The following SIAE variants were observed in gnomAD, a reference collection of about 807,000 sequenced individuals.
SIAE encodes the protein sialic acid acetylesterase, also known as sialate O-acetylesterase.
Under a neutral mutation model 52.6 loss-of-function variants are expected in SIAE, and 39 were observed. That is an observed-to-expected ratio of 0.74 (90% CI 0.57 to 0.97). The LOEUF (loss-of-function observed/expected upper bound fraction) is 0.97, where lower values mean the gene tolerates loss of function less well. SIAE is among the 50% of genes least tolerant of loss of function. The probability of loss-of-function intolerance (pLI) is 0.00; values close to 1 mark genes in which losing one functional copy is unlikely to be tolerated. For synonymous variants in SIAE, 233 were observed against 241.4 expected (o/e 0.97, Z 0.32); for missense variants, 592 against 662.1 (o/e 0.89, Z 1.16).
rs1245430192 is a variant in SIAE, at chr11:124,636,548, A to AAAT, written c.*400_*402dup. 1 of 278,294 alleles carries AAAT rather than the reference A, an allele frequency of 3.6e-6. No individual in the cohort carries two copies. The highest frequency in any genetic ancestry group is 7.0e-6 in the Non-Finnish European group (1 of 143,726). The allele number at this position is 278,294 out of a possible 1,614,324, so 17.2% of individuals were successfully genotyped here. On this transcript the variant is annotated 3_prime_UTR_variant, in exon 10 of 10. Transcript: ENST00000263593. ...GGCCTGGTTAGTACTTGGATGGGAG[A>AAAT]AATTTTATAAAGAACACATGAACAC...
chr11:124,639,215 C>CTA (rs1402650407), intron 8 of SIAE, among the ~76,000 whole-genome samples: 5 of 152,198 alleles, frequency 3.3e-5, no homozygotes, highest in African/African-American at 1.2e-4. Flanking sequence ...CCCTCACATC[C>CTA]TACAGTTAGT....
At chr11:124,667,716 G>T (rs1943292129) in intron 2 of SIAE, among the ~76,000 whole-genome samples, 1 of 152,088 alleles carries the variant, frequency 6.6e-6, no homozygotes, top group African/African-American at 2.4e-5. Flanking sequence ...ACATCACACA[G>T]CTATAGCGCT....
intron 3 of SIAE, among the ~76,000 whole-genome samples, chr11:124,657,093 G>C (rs1163922215): frequency 6.6e-6 from 1 of 152,192 alleles, no homozygotes. Flanking sequence ...ATCACAGTGG[G>C]AGCCACAACC....
At chr11:124,647,631 C>T in intron 6 of SIAE, 133 bp from the exon 7 acceptor site, 1 of 1,096,608 alleles carries the variant, frequency 9.1e-7, no homozygotes, top group South Asian at 1.3e-5. Context: ...TTTTTCCAGC[C>T]AGTGGGGCAT....
chr11:124,673,775 C>T (rs926208320), upstream of SIAE: 139 of 1,565,470 alleles, frequency 8.9e-5, no homozygotes, highest in East Asian at 3.1e-3. Context: ...GGGGCCTGGG[C>T]GGGGGCGAGG....
At position 124,649,650 on chromosome 11, in the gene SIAE, A is replaced by G; in HGVS notation, c.691T>C (p.Ser231Pro). 12 of 1,614,164 alleles carry G rather than the reference A, an allele frequency of 7.4e-6. No individual in the cohort carries two copies. Among genetic ancestry groups the G allele is most frequent in the Non-Finnish European group, 1.0e-5 (12 of 1,180,024 alleles). ...TPIEAWSSGRSLKACGVPKQG... is the reference protein window; with the variant it reads ...TPIEAWSSGRPLKACGVPKQG... ...TTAGGGACCCCACAGGCTTTCAGTG[A>G]CCGTCCAGATGACCAGGCTTCAATG... Residue 231 changes from serine to proline, a missense_variant, in exon 5 of 10, where the codon TCA becomes CCA. By Grantham distance (74) the Ser-to-Pro change is moderately conservative. Coordinates refer to ENST00000263593, the MANE Select transcript of SIAE (RefSeq NM_170601.5).
chr11:124,641,784 C>T (rs1312309941), intron 7 of SIAE, among the ~76,000 whole-genome samples: 1 of 151,860 alleles, frequency 6.6e-6, no homozygotes, highest in African/African-American at 2.4e-5. Flanking sequence ...AATGATGAAA[C>T]CCCTTCTCTA....
intron 2 of SIAE, among the ~76,000 whole-genome samples, chr11:124,666,198 C>T (rs1233181846): frequency 1.3e-5 from 2 of 152,174 alleles, no homozygotes; most frequent in African/African-American, 4.8e-5. Context: ...GCTGTTATAT[C>T]TTACTTTGTT....
At chr11:124,671,868 T>C (rs1417084092) in intron 1 of SIAE, among the ~76,000 whole-genome samples, 1 of 151,434 alleles carries the variant, frequency 6.6e-6, no homozygotes, top group African/African-American at 2.4e-5. Context: ...TTCAAGCGGT[T>C]CTCCTGCCTC....
rs1211079248 is a variant in SIAE, at chr11:124,670,787, T to C, written c.68-1266A>G. On this transcript the variant is annotated intron_variant, in intron 1 of 9. Coordinates refer to ENST00000263593, the MANE Select transcript of SIAE (RefSeq NM_170601.5). The surrounding 1 kb of genome is among the most constrained non-coding windows in gnomAD (Gnocchi z 4.5). ...AGCTAGTGTGATCAAGAAACCTACA[T>C]GACAATGAAAGATCACCCAGAAGGC... 1.3e-5 allele frequency among the ~76,000 whole-genome samples: 2 copies of C among 152,108 alleles called. No individual in the cohort carries two copies. The highest frequency in any genetic ancestry group is 2.9e-5 in the Non-Finnish European group (2 of 68,022).
rs369347553 is a variant in SIAE, at chr11:124,639,917, G to T, written c.967-50C>A. ...TTTATTGTATCAGAATCCCACACTG[G>T]AGTCTTTTTCACTGGCAGACTCTGC... On this transcript the variant is annotated intron_variant, in intron 7 of 9. Transcript: ENST00000263593. 24 of 1,603,818 alleles carry T rather than the reference G, an allele frequency of 1.5e-5. No individual in the cohort carries two copies. In the African/African-American group the frequency reaches 3.1e-4, roughly 21 times the overall value.
rs1302667464 is a variant in SIAE at position 124,635,348 on chromosome 11, T to C, written c.*1603A>G. ...GGGAGCCAACGTTCCTTGTAAAGTGTGTAGATTTTTTGTTTTTTAACTAAA... is the reference window on the plus strand; with the variant it reads ...GGGAGCCAACGTTCCTTGTAAAGTGCGTAGATTTTTTGTTTTTTAACTAAA... On this transcript the variant is annotated 3_prime_UTR_variant, in exon 10 of 10. Coordinates refer to ENST00000263593, the MANE Select transcript of SIAE (RefSeq NM_170601.5). 5 of 152,228 alleles carry C rather than the reference T, an allele frequency of 3.3e-5. No individual in the cohort carries two copies. Among genetic ancestry groups the C allele is most frequent in the Non-Finnish European group, 1.5e-5 (1 of 68,042 alleles). The allele number at this position is 152,228 out of a possible 1,614,324, so 9.4% of individuals were successfully genotyped here.
At chr11:124,664,149 C>T (rs1943235492) in intron 2 of SIAE, among the ~76,000 whole-genome samples, 1 of 152,142 alleles carries the variant, frequency 6.6e-6, no homozygotes, top group Non-Finnish European at 1.5e-5. Flanking sequence ...TAAACCCCAT[C>T]CCTGGGTTAC....
intron 7 of SIAE, among the ~76,000 whole-genome samples, chr11:124,641,299 C>T (rs1478995506): frequency 6.6e-6 from 1 of 152,138 alleles, no homozygotes; most frequent in African/African-American, 2.4e-5. Flanking sequence ...TGAGAAGTCA[C>T]TACAGGCAGT....
chr11:124,651,787 C>T (rs1357620492), intron 4 of SIAE, among the ~76,000 whole-genome samples: 2 of 152,196 alleles, frequency 1.3e-5, no homozygotes, highest in Non-Finnish European at 2.9e-5. Context: ...TTTCCCTTAG[C>T]TCACTACACT....
At position 124,663,280 on chromosome 11, in the gene SIAE, A is replaced by G. The variant is rs117707517; in HGVS notation, c.230-2477T>C. Among the ~76,000 whole-genome samples the G allele has an allele frequency of 8.9e-3, 1,350 of 152,292 alleles. 25 individuals carry two copies. In the East Asian group the frequency reaches 0.092, roughly 10 times the overall value. ...AAACCAACTCAGAGACAGTTCATTT[A>G]AAACAATAAGGATTGGCCGGGCGCA... On this transcript the variant is annotated intron_variant, in intron 2 of 9. Coordinates refer to ENST00000263593, the MANE Select transcript of SIAE (RefSeq NM_170601.5).
At chr11:124,673,604 C>G (rs767354720) in intron 1 of SIAE, 38 bp downstream of exon 1, 2 of 1,604,600 alleles carry the variant, frequency 1.2e-6, no homozygotes, top group Admixed American at 3.4e-5. Flanking sequence ...CCCGCACAGG[C>G]TGAGGGGCAG....
In SIAE at chr11:124,634,702, C is replaced by T. The variant is rs956031632; in HGVS notation, c.*2249G>A. On this transcript the variant is annotated 3_prime_UTR_variant, in exon 10 of 10. Coordinates refer to ENST00000263593, the MANE Select transcript of SIAE (RefSeq NM_170601.5). ...AATTGGTTAAATAAAATGAGGCTTC[C>T]ACAAACTGAAACACTCTAAATCTAT... The T allele has an allele frequency of 2.0e-5, 3 of 151,978 alleles. No homozygotes were observed. The highest frequency in any genetic ancestry group is 4.4e-5 in the Non-Finnish European group (3 of 68,002). The allele number at this position is 151,978 out of a possible 1,614,324, so 9.4% of individuals were successfully genotyped here. A position where few individuals can be genotyped will look rare whatever the true frequency, so the allele number is the denominator to read the frequency against.
intron 3 of SIAE, 111 bp downstream of exon 3, chr11:124,660,517 G>GTAC: frequency 9.7e-7 from 1 of 1,029,208 alleles, no homozygotes; most frequent in African/African-American, 1.6e-5. Context: ...TTGGCTCATG[G>GTAC]TACTCACTAA....
Sources: allele counts gnomAD v4.1 joint callset (sites outside exome capture counted in the v4.1 genomes callset), GRCh38; gene constraint gnomAD v4.1.1; non-coding constraint Gnocchi (gnomAD v3.1); transcripts MANE v1.5; gene names NCBI Gene and HGNC (gene_info 2026-07-23, HGNC 2026-07-21).